ARMH3: variants seen among roughly 807,000 people sequenced by gnomAD.
ARMH3 encodes armadillo-like helical domain-containing protein 3.
ARMH3 carries 60 observed loss-of-function variants against 99.1 expected under a neutral mutation model. The ratio of observed to expected loss-of-function variants is 0.61; its 90% CI spans 0.49 to 0.75. The LOEUF is 0.75. Ranked by LOEUF, ARMH3 falls within the 30% of genes least tolerant of loss-of-function variation. ARMH3 has a pLI of 0.00. For synonymous variants in ARMH3, 285 were observed against 292.8 expected (o/e 0.97, Z 0.27); for missense variants, 679 against 843.1 (o/e 0.81, Z 2.41).
intron 24 of ARMH3, among the ~76,000 whole-genome samples, chr10:101,850,244 C>G (rs1324067552): frequency 6.7e-6 from 1 of 149,984 alleles, no homozygotes; most frequent in Non-Finnish European, 1.5e-5. Flanking sequence ...ACGACAGGGG[C>G]ACATCACCAC....
intron 23 of ARMH3, among the ~76,000 whole-genome samples, chr10:101,909,463 C>CTTTTTTT (rs61122631): frequency 5.6e-5 from 4 of 71,728 alleles, no homozygotes; most frequent in Non-Finnish European, 7.2e-5. Flanking sequence ...CAAGCTTCCT[C>CTTTTTTT]TTTTTTTTTT....
At chr10:102,024,906 T>G (rs1368209500) in intron 6 of ARMH3, among the ~76,000 whole-genome samples, 1 of 152,028 alleles carries the variant, frequency 6.6e-6, no homozygotes, top group Non-Finnish European at 1.5e-5. Context: ...CAGAAGACAC[T>G]TGTTCTCCTG....
intron 9 of ARMH3, 125 bp downstream of exon 9, chr10:102,013,843 C>A: frequency 1.2e-5 from 9 of 743,934 alleles, no homozygotes; most frequent in Admixed American, 2.8e-5. Context: ...ATATTAATTC[C>A]CTCTCTATAA....
In ARMH3 at chr10:102,023,483, T is replaced by C; in HGVS notation, c.663A>G (p.Lys221=). The change falls in exon 8 of 26, where the codon AAA becomes AAG. Residue 221 remains lysine (K), a synonymous_variant. Coordinates refer to ENST00000370033, the MANE Select transcript of ARMH3 (RefSeq NM_024541.3). The part of the protein sequence containing the change: ...VLLALLVNYR[K]YESVNPYIVK... Reference sequence around the variant, plus strand: ...CACTAAGGAGCCCAGTTACCTCATATTTTCTATAGTTCACCAGCAAAGCCA... The same window carrying C: ...CACTAAGGAGCCCAGTTACCTCATACTTTCTATAGTTCACCAGCAAAGCCA... 6.2e-7 allele frequency: 1 copy of C among 1,613,532 alleles called. No individual in the cohort carries two copies. The highest frequency in any genetic ancestry group is 8.5e-7 in the Non-Finnish European group (1 of 1,179,542).
intron 23 of ARMH3, among the ~76,000 whole-genome samples, chr10:101,907,663 C>T (rs1455324631): frequency 1.3e-5 from 2 of 152,104 alleles, no homozygotes; most frequent in African/African-American, 4.8e-5. Flanking sequence ...GGATTACAGG[C>T]GTGAGCCACC....
At chr10:101,992,180 G>A (rs1171836962) in intron 17 of ARMH3, 142 bp from the exon 18 acceptor site, 5 of 738,546 alleles carry the variant, frequency 6.8e-6, no homozygotes, top group Non-Finnish European at 2.3e-6. Flanking sequence ...TGGTGGGAGA[G>A]GAATGAGGTA....
intron 23 of ARMH3, among the ~76,000 whole-genome samples, chr10:101,918,852 G>T (rs1214324725): frequency 6.6e-6 from 1 of 152,134 alleles, no homozygotes; most frequent in Non-Finnish European, 1.5e-5. Context: ...AGGCTTAGTA[G>T]AACACTGATT....
chr10:101,944,890 T>C (rs964651997), intron 22 of ARMH3, among the ~76,000 whole-genome samples: 7 of 152,138 alleles, frequency 4.6e-5, no homozygotes, highest in African/African-American at 1.7e-4. Context: ...GACCTCTTAC[T>C]AGCAACTATG....
At chr10:101,870,395 A>T (rs895355046) in intron 24 of ARMH3, among the ~76,000 whole-genome samples, 1 of 152,224 alleles carries the variant, frequency 6.6e-6, no homozygotes, top group Admixed American at 6.5e-5. Flanking sequence ...GTATACTGAT[A>T]TATGCATTTT....
Position 102,022,514 on chromosome 10 carries a change from A to AAT in ARMH3, c.669+961_669+962dup, listed in dbSNP as rs1211305691. On this transcript the variant is annotated intron_variant, in intron 8 of 25. Coordinates refer to ENST00000370033, the MANE Select transcript of ARMH3 (RefSeq NM_024541.3). ...CTTAAAAAAAAAAAAAAAAAAAAAA[A>AAT]ATTCCCAGGTTCCTGTTTCCCCCAC... is the stretch of plus-strand genomic sequence containing the variant. 4.0e-5 allele frequency among the ~76,000 whole-genome samples: 6 copies of AAT among 149,292 alleles called. No homozygotes were observed. The East Asian group carries it at 1.2e-3, about 30-fold the overall frequency.
intron 24 of ARMH3, among the ~76,000 whole-genome samples, chr10:101,869,700 A>C (rs1053348151): frequency 3.9e-5 from 6 of 152,206 alleles, no homozygotes; most frequent in African/African-American, 1.4e-4. Flanking sequence ...CAAAGCAAAC[A>C]GAAGGAAATA....
rs758509939 is a variant in ARMH3, at chr10:101,956,605, T to G, written c.1697A>C (p.Tyr566Ser). The change falls in exon 22 of 26, where the codon TAC (tyrosine) becomes TCC (serine). Residue 566 changes from tyrosine to serine, a missense_variant. By Grantham distance (144) the Tyr-to-Ser change is moderately radical. This residue lies in a region of ARMH3 where 389 missense variants were observed against 456.5 expected (regional missense o/e 0.85). Coordinates refer to ENST00000370033, the MANE Select transcript of ARMH3 (RefSeq NM_024541.3). ...AAGAAAAGGCAGCTTACCCATGGAG[T>G]AGAGGTTGTCAAAGCTCTGGTGCAT... is the stretch of plus-strand genomic sequence containing the variant. ...IRMHQSFDNL[Y>S]SMVLRLSTNA... 1.9e-6 allele frequency: 3 copies of G among 1,612,998 alleles called. No homozygotes were observed.
intron 5 of ARMH3, among the ~76,000 whole-genome samples, chr10:102,027,076 C>T (rs1172286455): frequency 6.6e-6 from 1 of 152,060 alleles, no homozygotes; most frequent in Non-Finnish European, 1.5e-5. Context: ...GTTAGGAGTT[C>T]GAGACCAGCC....
chr10:101,937,133 T>C (rs1844016742), intron 23 of ARMH3, among the ~76,000 whole-genome samples: 1 of 152,226 alleles, frequency 6.6e-6, no homozygotes, highest in African/African-American at 2.4e-5. Flanking sequence ...GAGTTTTCTG[T>C]TTAACCCTCC....
chr10:101,912,521 A>C (rs1029911888), intron 23 of ARMH3, among the ~76,000 whole-genome samples: 10 of 152,190 alleles, frequency 6.6e-5, no homozygotes, highest in African/African-American at 1.4e-4. Flanking sequence ...TTTGTACATC[A>C]AACTTGTATC....
chr10:101,876,184 G>C (rs1678749752), intron 24 of ARMH3, among the ~76,000 whole-genome samples: 2 of 130,740 alleles, frequency 1.5e-5, no homozygotes, highest in African/African-American at 2.9e-5. Context: ...GGAAGGCGGA[G>C]ATTGCAGTAA....
chr10:101,864,018 G>A (rs1479359116), intron 24 of ARMH3, among the ~76,000 whole-genome samples: 2 of 141,660 alleles, frequency 1.4e-5, no homozygotes, highest in Admixed American at 1.5e-4. Flanking sequence ...ACAAGATAGT[G>A]CCACTACACT....
chr10:101,926,101 C>T (rs1843497737), intron 23 of ARMH3, among the ~76,000 whole-genome samples: 1 of 152,214 alleles, frequency 6.6e-6, no homozygotes, highest in African/African-American at 2.4e-5. Flanking sequence ...CCAGGAACTA[C>T]TAACCTGCAG....
At position 101,866,228 on chromosome 10, in the gene ARMH3, A is replaced by T. The variant is rs2066999518; in HGVS notation, c.1861-16336T>A. Among the ~76,000 whole-genome samples the T allele has an allele frequency of 2.0e-5, 3 of 148,106 alleles. No homozygotes were observed. In the South Asian group the frequency reaches 6.4e-4, roughly 31 times the overall value. On this transcript the variant is annotated intron_variant, in intron 24 of 25. Transcript: ENST00000370033. Reference sequence around the variant, plus strand: ...AAGAATGAAACTCCATCTCAGAAGAAAAAAAAAAAAAAGCTATCTTTCGCA... The same window carrying T: ...AAGAATGAAACTCCATCTCAGAAGATAAAAAAAAAAAAGCTATCTTTCGCA...
Sources: allele counts gnomAD v4.1 joint callset (sites outside exome capture counted in the v4.1 genomes callset), GRCh38; gene constraint gnomAD v4.1.1; regional missense constraint gnomAD v4.1.1; transcripts MANE v1.5; gene names NCBI Gene and HGNC (gene_info 2026-07-23, HGNC 2026-07-21).